TSEN15: variants seen among roughly 807,000 people sequenced by gnomAD.
The protein encoded by TSEN15 is tRNA splicing endonuclease subunit 15.
In TSEN15, 10 loss-of-function variants were observed where a neutral mutation model predicts 20.5. That is an observed-to-expected ratio of 0.49 (90% confidence interval 0.30 to 0.83). The LOEUF is 0.83. TSEN15 is among the 40% of genes least tolerant of loss of function. TSEN15 has a pLI of 0.06. For missense variants in TSEN15, 180 were observed against 218.6 expected, an observed-to-expected ratio of 0.82 and a Z score of 1.11; for synonymous variants, 72 against 80.1, an observed-to-expected ratio of 0.90 and a Z score of 0.54.
rs56022269 is a variant in TSEN15 at position 184,095,631 on chromosome 1, T to TTCTC, written c.354-25_354-22dup. On this transcript the variant is annotated intron_variant, in intron 3 of 3. Coordinates refer to the TSEN15 transcript ENST00000643231. Reference sequence around the variant, plus strand: ...CCAGAGATCTCTATCTCTCTCCCCCTTCTCTCTCTCTCTCTCTCTCTCTCT... The same window carrying TTCTC: ...CCAGAGATCTCTATCTCTCTCCCCCTTCTCTCTCTCTCTCTCTCTCTCTCTCTCT... 2,716 of 385,884 alleles carry TTCTC rather than the reference T, an allele frequency of 7.0e-3. 11 individuals are homozygous for TTCTC. The highest frequency in any genetic ancestry group is 0.018 in the African/African-American group (841 of 46,866). The allele number at this position is 385,884 out of a possible 1,614,324, so 23.9% of individuals were successfully genotyped here.
In TSEN15 at chr1:184,068,189, G is replaced by A. The variant is rs377235089; in HGVS notation, c.354-3968G>A. Among the ~76,000 whole-genome samples the A allele has an allele frequency of 2.4e-4, 36 of 151,628 alleles. No individual in the cohort carries two copies. In the East Asian group the frequency reaches 3.9e-3, roughly 16 times the overall value. On this transcript the variant is annotated intron_variant, in intron 3 of 4. Transcript: ENST00000645668. ...CTGGAGTAGAGGGTTACTAGAACTA[G>A]TTCTTTCTTTGGAACATCTCTGAAG... is the stretch of plus-strand genomic sequence containing the variant.
At chr1:184,096,624 A>T (rs1287644939) in exon 4 of TSEN15, 2 of 153,230 alleles carry the variant, frequency 1.3e-5, no homozygotes, top group Non-Finnish European at 2.9e-5. Context: ...CACGCTGCTG[A>T]TAAAGACATA....
chr1:184,057,827 A>T (rs573591358), intron 3 of TSEN15, among the ~76,000 whole-genome samples: 4 of 152,238 alleles, frequency 2.6e-5, no homozygotes, highest in African/African-American at 9.6e-5. Context: ...TCTGTGTTTG[A>T]GAATTACAAA....
chr1:184,059,578 T>C (rs1650370710), intron 3 of TSEN15, among the ~76,000 whole-genome samples: 1 of 152,138 alleles, frequency 6.6e-6, no homozygotes, highest in South Asian at 2.1e-4. Context: ...CTTTATACCT[T>C]CTTTTTTTTT....
In TSEN15 at chr1:184,054,985, A is replaced by G. The variant is rs6664052; in HGVS notation, c.353+122A>G. On this transcript the variant is annotated intron_variant, in intron 3 of 4. Transcript: ENST00000645668. Reference sequence around the variant, plus strand: ...AGGGTTCATAGCTTTACTCTTGGCTATTTGAGGAATAAGTTAAATATGAGT... The same window carrying G: ...AGGGTTCATAGCTTTACTCTTGGCTGTTTGAGGAATAAGTTAAATATGAGT... 5.0e-3 allele frequency: 5,773 copies of G among 1,144,926 alleles called. 202 individuals carry two copies. The African/African-American group carries it at 0.08, about 16-fold the overall frequency. 70.9% of individuals were successfully genotyped at this position (1,144,926 alleles called of 1,614,324 possible). A position where few individuals can be genotyped will look rare whatever the true frequency, so the allele number is the denominator to read the frequency against.
chr1:184,082,615 C>T (rs965580032), intron 3 of TSEN15, among the ~76,000 whole-genome samples: 7 of 152,032 alleles, frequency 4.6e-5, no homozygotes, highest in African/African-American at 1.2e-4. Flanking sequence ...GGGGTCAGAG[C>T]GGAGGGCACG....
At chr1:184,078,441 G>T (rs181499058), downstream of TSEN15, among the ~76,000 whole-genome samples, 181 of 152,228 alleles carry the variant, frequency 1.2e-3, no homozygotes, top group African/African-American at 4.3e-3. Context: ...AGGTATGCCG[G>T]TATAAACTTT....
chr1:184,090,879 C>T (rs1651344404), intron 3 of TSEN15, among the ~76,000 whole-genome samples: 1 of 152,164 alleles, frequency 6.6e-6, no homozygotes, highest in East Asian at 1.9e-4. Context: ...GAATAGGACA[C>T]TTGCTTTTCT....
chr1:184,052,103 A>G (rs909699415), intron 1 of TSEN15, among the ~76,000 whole-genome samples: 2 of 152,152 alleles, frequency 1.3e-5, no homozygotes, highest in East Asian at 3.9e-4. Context: ...AGCCAAAGCC[A>G]TTTTGGAACT....
chr1:184,082,614 G>A (rs1309455419), intron 3 of TSEN15, among the ~76,000 whole-genome samples: 1 of 152,074 alleles, frequency 6.6e-6, no homozygotes, highest in African/African-American at 2.4e-5. Flanking sequence ...TGGGGTCAGA[G>A]CGGAGGGCAC....
Position 184,073,301 on chromosome 1 carries a change from C to G in TSEN15, c.*454C>G, listed in dbSNP as rs1650961738. On this transcript the variant is annotated 3_prime_UTR_variant, in exon 5 of 5. Coordinates refer to ENST00000645668, the MANE Select transcript of TSEN15 (RefSeq NM_052965.4). The stretch of plus-strand genomic sequence containing the variant: ...TTTATATGTACCTTGTCACCCACTT[C>G]TGTTTACTTTTTCCTCTCCAGTAAA... 6.5e-6 allele frequency: 1 copy of G among 154,786 alleles called. No individual in the cohort carries two copies. Among genetic ancestry groups the G allele is most frequent in the Admixed American group, 6.5e-5 (1 of 15,334 alleles). The allele number at this position is 154,786 out of a possible 1,614,324, so 9.6% of individuals were successfully genotyped here.
rs781759246 is a variant in TSEN15 at position 184,096,380 on chromosome 1, G to A, written c.*576G>A. 2.6e-5 allele frequency: 4 copies of A among 152,378 alleles called. No homozygotes were observed. In the East Asian group the frequency reaches 7.7e-4, roughly 29 times the overall value. The allele number at this position is 152,378 out of a possible 1,614,324, so 9.4% of individuals were successfully genotyped here. ...TTTCTTCCACCTTCTCTGTGGTTTAGGCTGTGCAGTCTGGAAGCAGGCCAG... is the reference window on the plus strand; with the variant it reads ...TTTCTTCCACCTTCTCTGTGGTTTAAGCTGTGCAGTCTGGAAGCAGGCCAG... On this transcript the variant is annotated 3_prime_UTR_variant, in exon 4 of 4. Coordinates refer to the TSEN15 transcript ENST00000643231.
Position 184,054,369 on chromosome 1 carries a change from G to T in TSEN15, c.151G>T (p.Glu51Ter). 1 of 1,592,158 alleles carries T rather than the reference G, an allele frequency of 6.3e-7. No individual in the cohort carries two copies. Among genetic ancestry groups the T allele is most frequent in the Non-Finnish European group, 8.6e-7 (1 of 1,163,082 alleles). The change falls in exon 2 of 5, where the codon GAA becomes TAA. Residue 51 changes from glutamate to a stop codon, truncating the protein, a stop_gained. Transcript: ENST00000645668. LOFTEE classifies it high-confidence loss of function. The stretch of plus-strand genomic sequence containing the variant: ...TAATTTTCAGTATCTAGAAATGATG[G>T]AATTAGATATAGGAGATGCCACCCA... ...GTHPKYLEMM[E>*]LDIGDATQVY...
intron 3 of TSEN15, among the ~76,000 whole-genome samples, chr1:184,057,069 G>A (rs1650274811): frequency 6.6e-6 from 1 of 152,150 alleles, no homozygotes; most frequent in African/African-American, 2.4e-5. Flanking sequence ...TGGCAAAAAT[G>A]ATAGGAATGT....
At chr1:184,071,675 ATACC>A (rs1368013090) in intron 3 of TSEN15, among the ~76,000 whole-genome samples, 1 of 152,028 alleles carries the variant, frequency 6.6e-6, no homozygotes, top group Non-Finnish European at 1.5e-5. Flanking sequence ...GTACTAGAAA[ATACC>A]TATTTAATAG....
intron 3 of TSEN15, among the ~76,000 whole-genome samples, chr1:184,091,326 A>G (rs1196871811): frequency 1.3e-5 from 2 of 152,022 alleles, no homozygotes; most frequent in Admixed American, 1.3e-4. Flanking sequence ...ATATATTTTT[A>G]TATATATGGT....
intron 3 of TSEN15, among the ~76,000 whole-genome samples, chr1:184,060,048 GA>G (rs1324117722): frequency 6.6e-6 from 1 of 152,186 alleles, no homozygotes; most frequent in Non-Finnish European, 1.5e-5. Context: ...ATCCCAATGG[GA>G]AACATGGGCA....
intron 3 of TSEN15, among the ~76,000 whole-genome samples, chr1:184,056,642 A>G (rs1450526763): frequency 6.6e-6 from 1 of 152,092 alleles, no homozygotes. Context: ...TTTCACTAAG[A>G]GTTCTATTGT....
intron 3 of TSEN15, among the ~76,000 whole-genome samples, chr1:184,071,532 T>C (rs1650882148): frequency 6.6e-6 from 1 of 152,042 alleles, no homozygotes; most frequent in African/African-American, 2.4e-5. Flanking sequence ...GAGCAATTTC[T>C]ATATTTTTTA....
Sources: allele counts gnomAD v4.1 joint callset (sites outside exome capture counted in the v4.1 genomes callset), GRCh38; gene constraint gnomAD v4.1.1; transcripts MANE v1.5; gene names NCBI Gene and HGNC (gene_info 2026-07-23, HGNC 2026-07-21).